EXOSC10: variants seen among roughly 807,000 people sequenced by gnomAD.
EXOSC10 encodes exosome component 10, also known as exosome complex component 10.
In EXOSC10, 94 loss-of-function variants were observed where a neutral mutation model predicts 126.6. That is an observed-to-expected ratio of 0.74 (90% confidence interval 0.63 to 0.88). EXOSC10 has a LOEUF of 0.88. Among genes scored for constraint, EXOSC10 ranks in the 40% least tolerant of loss-of-function variants. The pLI is 0.00. For missense variants in EXOSC10, 1,041 were observed against 1,100.5 expected, an observed-to-expected ratio of 0.95 and a Z score of 0.77; for synonymous variants, 395 against 400.8, an observed-to-expected ratio of 0.99 and a Z score of 0.17.
chr1:11,074,783 T>A (rs1291650684), intron 17 of EXOSC10, among the ~76,000 whole-genome samples: 1 of 152,168 alleles, frequency 6.6e-6, no homozygotes, highest in Non-Finnish European at 1.5e-5. Context: ...GTATAAGGTG[T>A]TGTGTCTGCA....
At chr1:11,098,652 T>G (rs1025418470) in intron 1 of EXOSC10, among the ~76,000 whole-genome samples, 1 of 152,252 alleles carries the variant, frequency 6.6e-6, no homozygotes, top group Non-Finnish European at 1.5e-5. Flanking sequence ...AATTTGTTTT[T>G]GTGTTTTCAT....
At position 11,077,290 on chromosome 1, in the gene EXOSC10, C is replaced by A. The variant is rs574442275; in HGVS notation, c.1879+75G>T. Reference sequence around the variant, plus strand: ...ACAGGCATAAGCCACCACGCCCGGCCAAGCCTACAGAATTTTAGACAAGGT... The same window carrying A: ...ACAGGCATAAGCCACCACGCCCGGCAAAGCCTACAGAATTTTAGACAAGGT... On this transcript the variant is annotated intron_variant, in intron 16 of 24. Transcript: ENST00000376936. 12 of 1,494,360 alleles carry A rather than the reference C, an allele frequency of 8.0e-6. No homozygotes were observed. The Admixed American group carries it at 2.0e-4, about 25-fold the overall frequency. The allele number at this position is 1,494,360 out of a possible 1,614,324, so 92.6% of individuals were successfully genotyped here.
Position 11,080,569 on chromosome 1 carries a change from C to T in EXOSC10, c.1587-20G>A, listed in dbSNP as rs61773686. 17 of 581,520 alleles carry T rather than the reference C, an allele frequency of 2.9e-5. No individual in the cohort carries two copies. The highest frequency in any genetic ancestry group is 3.8e-5 in the Non-Finnish European group (17 of 442,414). 36.0% of individuals were successfully genotyped at this position (581,520 alleles called of 1,614,324 possible). Reference sequence around the variant, plus strand: ...ACATATCTGGAAAAAAAAAAACACACACACACACACACACACACACACACA... The same window carrying T: ...ACATATCTGGAAAAAAAAAAACACATACACACACACACACACACACACACA... On this transcript the variant is annotated intron_variant, in intron 12 of 24. Transcript: ENST00000376936.
At chr1:11,083,614 T>TA (rs201897981) in intron 9 of EXOSC10, among the ~76,000 whole-genome samples, 10 of 149,902 alleles carry the variant, frequency 6.7e-5, no homozygotes, top group Non-Finnish European at 1.2e-4. Flanking sequence ...TTTTTTAAGT[T>TA]AAAAAAATTT....
intron 3 of EXOSC10, among the ~76,000 whole-genome samples, chr1:11,091,973 A>C (rs890934711): frequency 2.0e-5 from 3 of 152,188 alleles, no homozygotes; most frequent in Non-Finnish European, 4.4e-5. Flanking sequence ...TATAGGCGTG[A>C]GCCACCGTGC....
In EXOSC10 at chr1:11,099,412, C is replaced by T. The variant is rs562210087; in HGVS notation, c.111+309G>A. Among the ~76,000 whole-genome samples, 9 of 152,266 alleles carry T rather than the reference C, an allele frequency of 5.9e-5. 1 individual carries two copies. Among genetic ancestry groups the T allele is most frequent in the Admixed American group, 4.6e-4 (7 of 15,304 alleles). On this transcript the variant is annotated intron_variant, in intron 1 of 24. Coordinates refer to ENST00000376936, the MANE Select transcript of EXOSC10 (RefSeq NM_001001998.3). ...CGGAGAGCTGGTCGGGTGGCTAGGG[C>T]GTGGCGAGCGCGACGTCGCAAGGGC... is the stretch of plus-strand genomic sequence containing the variant.
At chr1:11,090,713 T>A (rs1375694921) in intron 5 of EXOSC10, 45 bp from the exon 6 acceptor site, 27 of 1,400,080 alleles carry the variant, frequency 1.9e-5, no homozygotes, top group Non-Finnish European at 2.5e-5. Context: ...CACATTCATG[T>A]CTTTTCTAAT....
rs1553166014 is a variant in EXOSC10, at chr1:11,080,563, A to ACACAC, written c.1587-15_1587-14insGTGTG. The ACACAC allele has an allele frequency of 5.6e-5, 80 of 1,423,528 alleles. No individual in the cohort carries two copies. The highest frequency in any genetic ancestry group is 5.3e-4 in the African/African-American group (32 of 60,158). 88.2% of individuals were successfully genotyped at this position (1,423,528 alleles called of 1,614,324 possible). On this transcript the variant is annotated splice_polypyrimidine_tract_variant and intron_variant, in intron 12 of 24. Transcript: ENST00000376936. ...GGCAGTACATATCTGGAAAAAAAAA[A>ACACAC]ACACACACACACACACACACACACA...
chr1:11,071,897 C>A (rs1426955248), intron 20 of EXOSC10, 190 bp downstream of exon 20: 1 of 546,162 alleles, frequency 1.8e-6, no homozygotes, highest in Non-Finnish European at 3.2e-6. Flanking sequence ...CTCCAGCACT[C>A]CCCACCAATC....
intron 10 of EXOSC10, 50 bp downstream of exon 10, chr1:11,082,638 A>G (rs760413262): frequency 6.2e-7 from 1 of 1,606,640 alleles, no homozygotes; most frequent in Non-Finnish European, 8.5e-7. Context: ...AGGTTAATGA[A>G]TAATCACTTT....
intron 9 of EXOSC10, among the ~76,000 whole-genome samples, chr1:11,083,232 A>G (rs1266620947): frequency 6.6e-6 from 1 of 152,140 alleles, no homozygotes; most frequent in Non-Finnish European, 1.5e-5. Flanking sequence ...TACAGGCCTG[A>G]GCCACCTCAC....
rs1167694335 is a variant in EXOSC10, at chr1:11,074,226, C to T, written c.2082+5G>A. On this transcript the variant is annotated splice_donor_5th_base_variant and intron_variant, in intron 18 of 24. Coordinates refer to ENST00000376936, the MANE Select transcript of EXOSC10 (RefSeq NM_001001998.3). ...CCTGTCAGCCCTGACAAAACTACTA[C>T]TCACCATCCTAAATGGATTTTCAAA... 1 of 1,610,916 alleles carries T rather than the reference C, an allele frequency of 6.2e-7. No individual in the cohort carries two copies. Among genetic ancestry groups the T allele is most frequent in the Non-Finnish European group, 8.5e-7 (1 of 1,177,092 alleles).
At chr1:11,080,993 A>C in intron 11 of EXOSC10, 81 bp from the exon 12 acceptor site, 1 of 1,576,910 alleles carries the variant, frequency 6.3e-7, no homozygotes, top group Non-Finnish European at 8.6e-7. Flanking sequence ...GGCTCTTTTC[A>C]TGAATGTAAG....
intron 9 of EXOSC10, among the ~76,000 whole-genome samples, chr1:11,086,284 T>C (rs1640488505): frequency 6.6e-6 from 1 of 152,222 alleles, no homozygotes; most frequent in Non-Finnish European, 1.5e-5. Flanking sequence ...TATTGATTAT[T>C]GCCACAATTT....
rs749012920 is a variant in EXOSC10 at position 11,091,529 on chromosome 1, C to T, written c.441G>A (p.Gln147=). ...AGCTGGACACTACCGTTTTGGGGACCTGCAAGCCGGCAGGGAGGACAGGCT... is the reference window on the plus strand; with the variant it reads ...AGCTGGACACTACCGTTTTGGGGACTTGCAAGCCGGCAGGGAGGACAGGCT... ...NQQPVLPAGL[Q]VPKTVVSSWN... Residue 147 remains glutamine, a synonymous_variant, in exon 4 of 25, where the codon CAG becomes CAA. Coordinates refer to ENST00000376936, the MANE Select transcript of EXOSC10 (RefSeq NM_001001998.3). The T allele has an allele frequency of 3.1e-6, 5 of 1,614,018 alleles. No individual in the cohort carries two copies. Among genetic ancestry groups the T allele is most frequent in the Non-Finnish European group, 4.2e-6 (5 of 1,180,036 alleles).
At chr1:11,070,829 T>G in intron 21 of EXOSC10, 71 bp downstream of exon 21, 1 of 1,378,328 alleles carries the variant, frequency 7.3e-7, no homozygotes, top group Admixed American at 1.8e-5. Flanking sequence ...CCCTAAGATA[T>G]CCAAGGAAGA....
At position 11,068,634 on chromosome 1, in the gene EXOSC10, G is replaced by A; in HGVS notation, c.2550+11C>T. On this transcript the variant is annotated intron_variant, in intron 23 of 24. Coordinates refer to ENST00000376936, the MANE Select transcript of EXOSC10 (RefSeq NM_001001998.3). ...ACCAGCGTGCTAAAATCCTCCAGGAGCAGTTCTTACCTTGCCAGACGGGGT... is the reference window on the plus strand; with the variant it reads ...ACCAGCGTGCTAAAATCCTCCAGGAACAGTTCTTACCTTGCCAGACGGGGT... The A allele has an allele frequency of 6.2e-7, 1 of 1,612,408 alleles. No individual in the cohort carries two copies. Among genetic ancestry groups the A allele is most frequent in the Non-Finnish European group, 8.5e-7 (1 of 1,178,374 alleles).
At chr1:11,078,264 C>CTTTTCTTTTTTTTT (rs1639935044) in intron 14 of EXOSC10, among the ~76,000 whole-genome samples, 1 of 143,668 alleles carries the variant, frequency 7.0e-6, no homozygotes, top group Non-Finnish European at 1.5e-5. Flanking sequence ...GACCCTGTTT[C>CTTTTCTTTTTTTTT]TTTTTTTTTT....
rs532389846 is a variant in EXOSC10, at chr1:11,077,046, C to T, written c.1880-98G>A. The T allele has an allele frequency of 1.4e-4, 120 of 864,172 alleles. 1 individual carries two copies. The African/African-American group carries it at 1.8e-3, about 13-fold the overall frequency. 53.5% of individuals were successfully genotyped at this position (864,172 alleles called of 1,614,324 possible). ...TAGTGTAGTCCCCTAGGCTGGAGTA[C>T]AATGGCACAATCTCGGCTCACTGCA... On this transcript the variant is annotated intron_variant, in intron 16 of 24. Coordinates refer to ENST00000376936, the MANE Select transcript of EXOSC10 (RefSeq NM_001001998.3).
Sources: allele counts gnomAD v4.1 joint callset (sites outside exome capture counted in the v4.1 genomes callset), GRCh38; gene constraint gnomAD v4.1.1; transcripts MANE v1.5; gene names NCBI Gene and HGNC (gene_info 2026-07-23, HGNC 2026-07-21).